ZNF280C: variants seen among roughly 807,000 people sequenced by gnomAD.
The protein encoded by ZNF280C is zinc finger protein 280C.
Under a neutral mutation model 53.6 loss-of-function variants are expected in ZNF280C, and 14 were observed. The ratio of observed to expected loss-of-function variants is 0.26; its 90% CI spans 0.17 to 0.41. ZNF280C has a LOEUF of 0.41. Ranked by LOEUF, ZNF280C falls within the 10% of genes least tolerant of loss-of-function variation. ZNF280C has a pLI of 1.00. For missense variants in ZNF280C, 416 were observed against 547.1 expected, an observed-to-expected ratio of 0.76 and a Z score of 2.39; for synonymous variants, 203 against 181.1, an observed-to-expected ratio of 1.12 and a Z score of -0.97.
At chrX:130,218,289 A>G (rs983725622) in intron 13 of ZNF280C, among the ~76,000 whole-genome samples, 3 of 111,420 alleles carry the variant, frequency 2.7e-5, no homozygotes, top group Non-Finnish European at 5.6e-5. Flanking sequence ...TAACTATAAA[A>G]CAGATTTTCA....
intron 13 of ZNF280C, among the ~76,000 whole-genome samples, chrX:130,216,330 A>T (rs752996586): frequency 8.9e-6 from 1 of 111,917 alleles, no homozygotes; most frequent in African/African-American, 3.3e-5. Context: ...AAATTATCTC[A>T]AAATGTATTA....
chrX:130,226,981 G>A (rs1488191193), intron 11 of ZNF280C, 76 bp from the exon 12 acceptor site: 13 of 988,928 alleles, frequency 1.3e-5, no homozygotes, highest in African/African-American at 3.8e-5. Flanking sequence ...TAGCAATAAC[G>A]GGTCATCTGT....
rs989406369 is a variant in ZNF280C at position 130,236,048 on chromosome X, T to C, written c.771+166A>G. On this transcript the variant is annotated intron_variant, in intron 8 of 18. Coordinates refer to ENST00000370978, the MANE Select transcript of ZNF280C (RefSeq NM_017666.5). ...CATTGGAAAGGATTTTAAAATCTTA[T>C]ATAATCATTGTGAATATCAATTTTA... is the stretch of plus-strand genomic sequence containing the variant. 8.9e-6 allele frequency among the ~76,000 whole-genome samples: 1 copy of C among 112,515 alleles called. No homozygotes were observed. The highest frequency in any genetic ancestry group is 1.9e-5 in the Non-Finnish European group (1 of 53,297).
At chrX:130,206,610 C>A (rs1269247891) in intron 16 of ZNF280C, among the ~76,000 whole-genome samples, 2 of 111,211 alleles carry the variant, frequency 1.8e-5, no homozygotes, top group Non-Finnish European at 3.8e-5. Context: ...TCGTGATCCA[C>A]CCGCCTCGGC....
intron 11 of ZNF280C, 68 bp from the exon 12 acceptor site, chrX:130,226,973 G>C (rs751878635): frequency 3.1e-5 from 31 of 1,012,791 alleles, no homozygotes; most frequent in Non-Finnish European, 4.0e-5. Context: ...AATCAAAGTA[G>C]CAATAACGGG....
At chrX:130,257,314 A>C (rs1235530014) in intron 2 of ZNF280C, among the ~76,000 whole-genome samples, 1 of 111,270 alleles carries the variant, frequency 9.0e-6, no homozygotes, top group Non-Finnish European at 1.9e-5. Flanking sequence ...AAAAAGAGAA[A>C]AGGAAATGTA....
At chrX:130,207,155 A>G (rs1226271310) in intron 16 of ZNF280C, among the ~76,000 whole-genome samples, 1 of 111,209 alleles carries the variant, frequency 9.0e-6, no homozygotes, top group Non-Finnish European at 1.9e-5. Flanking sequence ...CCACTACAAT[A>G]GCCTTAACCA....
At chrX:130,252,282 C>T (rs1224068501) in intron 2 of ZNF280C, among the ~76,000 whole-genome samples, 1 of 112,013 alleles carries the variant, frequency 8.9e-6, no homozygotes, top group Non-Finnish European at 1.9e-5. Flanking sequence ...CAGGCTTTAT[C>T]CCTGGGATGC....
At chrX:130,238,849 T>G (rs188043670) in intron 6 of ZNF280C, among the ~76,000 whole-genome samples, 1 of 111,461 alleles carries the variant, frequency 9.0e-6, no homozygotes, top group East Asian at 2.8e-4. Context: ...TAATTACATA[T>G]GCAAAAAAAT....
intron 6 of ZNF280C, among the ~76,000 whole-genome samples, chrX:130,238,295 G>GCTTT (rs761639315): frequency 9.0e-6 from 1 of 111,433 alleles, no homozygotes; most frequent in South Asian, 3.7e-4. Context: ...GGGCCTCAAA[G>GCTTT]AAGCCCTGAG....
intron 8 of ZNF280C, 64 bp downstream of exon 8, chrX:130,236,150 A>G (rs2032329594): frequency 1.3e-6 from 1 of 785,348 alleles, no homozygotes. Flanking sequence ...CTGTATATCA[A>G]TTTTCAATAT....
chrX:130,225,111 A>G (rs1277909300), intron 12 of ZNF280C, among the ~76,000 whole-genome samples: 3 of 111,552 alleles, frequency 2.7e-5, no homozygotes, highest in African/African-American at 9.8e-5. Context: ...TAAACCACTT[A>G]TAAGACACAG....
At chrX:130,231,309 T>C (rs1328033888) in intron 8 of ZNF280C, among the ~76,000 whole-genome samples, 3 of 111,852 alleles carry the variant, frequency 2.7e-5, no homozygotes, top group Non-Finnish European at 5.6e-5. Context: ...GGAATCAACC[T>C]AGGTGCCCAT....
intron 12 of ZNF280C, among the ~76,000 whole-genome samples, chrX:130,220,741 G>A: frequency 9.0e-6 from 1 of 110,905 alleles, no homozygotes; most frequent in Non-Finnish European, 1.9e-5. Flanking sequence ...ACTGATTATA[G>A]AGGCATAAAT....
intron 15 of ZNF280C, among the ~76,000 whole-genome samples, chrX:130,211,889 A>G (rs1274555516): frequency 8.9e-6 from 1 of 112,077 alleles, no homozygotes; most frequent in African/African-American, 3.2e-5. Context: ...TTCCAATTTA[A>G]TCCTCTATAA....
rs1202711097 is a variant in ZNF280C at position 130,216,027 on chromosome X, A to G, written c.1602T>C (p.Thr534=). 1 of 1,211,813 alleles carries G rather than the reference A, an allele frequency of 8.3e-7. No homozygotes were observed. Among genetic ancestry groups the G allele is most frequent in the South Asian group, 1.8e-5 (1 of 56,997 alleles). The change falls in exon 14 of 19, where the codon ACT becomes ACC. Residue 534 remains threonine, a synonymous_variant. Coordinates refer to ENST00000370978, the MANE Select transcript of ZNF280C (RefSeq NM_017666.5). ...TCGGAGGTGTGACCTGAAGAAAAGA[A>G]GTGCCTGGAGCGCAACCGAAAGGTG... ...PTAPFGCAPG[T]SFLQVTPPTS... is the part of the protein sequence containing the mutation.
chrX:130,264,818 TTGTG>T (rs1265942816), intron 1 of ZNF280C, among the ~76,000 whole-genome samples: 1 of 111,734 alleles, frequency 8.9e-6, no homozygotes, highest in Non-Finnish European at 1.9e-5. Flanking sequence ...TGTTTTATGG[TTGTG>T]TAAGAACTCT....
intron 8 of ZNF280C, among the ~76,000 whole-genome samples, chrX:130,231,981 C>T (rs649027): frequency 0.042 from 4,420 of 104,976 alleles, 230 homozygotes; most frequent in African/African-American, 0.15. Context: ...GAGCTGAGGT[C>T]GCGCCACTGC....
At chrX:130,220,261 T>A in intron 13 of ZNF280C, 88 bp downstream of exon 13, 1 of 865,380 alleles carries the variant, frequency 1.2e-6, no homozygotes, top group East Asian at 3.7e-5. Flanking sequence ...ACACTAGATC[T>A]TATTCCTTCT....
Sources: allele counts gnomAD v4.1 joint callset (sites outside exome capture counted in the v4.1 genomes callset), GRCh38; gene constraint gnomAD v4.1.1; transcripts MANE v1.5; gene names NCBI Gene and HGNC (gene_info 2026-07-23, HGNC 2026-07-21).